Variants in ARIH1 observed in about 807,000 individuals in gnomAD.
ARIH1 encodes the protein E3 ubiquitin-protein ligase ARIH1.
Under a neutral mutation model 85.0 loss-of-function variants are expected in ARIH1, and 8 were observed. The observed-to-expected ratio is 0.09, with a 90% confidence interval of 0.06 to 0.17. ARIH1 has a LOEUF of 0.17. Ranked by LOEUF, ARIH1 falls within the 10% of genes least tolerant of loss-of-function variation. The pLI is 1.00. For synonymous variants in ARIH1, 238 were observed against 253.6 expected, an observed-to-expected ratio of 0.94 and a Z score of 0.59; for missense variants, 311 against 718.1, an observed-to-expected ratio of 0.43 and a Z score of 6.48.
At chr15:72,558,522 G>T (rs1343554716) in intron 5 of ARIH1, among the ~76,000 whole-genome samples, 1 of 152,144 alleles carries the variant, frequency 6.6e-6, no homozygotes, top group Non-Finnish European at 1.5e-5. Context: ...GGCTGTTCTC[G>T]AACTCCTGAC....
chr15:72,511,839 T>C (rs1347877717), intron 1 of ARIH1, among the ~76,000 whole-genome samples: 1 of 152,190 alleles, frequency 6.6e-6, no homozygotes, highest in African/African-American at 2.4e-5. Context: ...GTGCCTCTTC[T>C]AGGCACTTCT....
intron 1 of ARIH1, among the ~76,000 whole-genome samples, chr15:72,501,204 A>G (rs2063901967): frequency 6.6e-6 from 1 of 152,158 alleles, no homozygotes; most frequent in Non-Finnish European, 1.5e-5. Context: ...GATCATTTGG[A>G]TTTATGACTT....
chr15:72,563,723 T>C (rs2064206904), intron 7 of ARIH1, among the ~76,000 whole-genome samples: 1 of 152,204 alleles, frequency 6.6e-6, no homozygotes, highest in Non-Finnish European at 1.5e-5. Flanking sequence ...TGAATTTTTT[T>C]TTATGGAGAA....
chr15:72,575,055 G>A (rs1213309201), intron 11 of ARIH1, among the ~76,000 whole-genome samples: 1 of 151,574 alleles, frequency 6.6e-6, no homozygotes, highest in East Asian at 2.0e-4. Context: ...CCATGATGAC[G>A]CCACCCCTCT....
chr15:72,523,306 G>T lies in ARIH1; in HGVS notation c.443+5172G>T, dbSNP rs368370655. Among the ~76,000 whole-genome samples, 3 of 152,260 alleles carry T rather than the reference G, an allele frequency of 2.0e-5. No homozygotes were observed. The South Asian group carries it at 6.2e-4, about 32-fold the overall frequency. On this transcript the variant is annotated intron_variant, in intron 2 of 13. Transcript: ENST00000379887. ...ACATCCAGAAGTGGGATATTATTCCGTGCTAAAGAAATCAGCTATCAAACC... is the reference window on the plus strand; with the variant it reads ...ACATCCAGAAGTGGGATATTATTCCTTGCTAAAGAAATCAGCTATCAAACC...
intron 7 of ARIH1, among the ~76,000 whole-genome samples, chr15:72,563,730 A>G (rs1308410185): frequency 1.3e-5 from 2 of 152,108 alleles, no homozygotes; most frequent in African/African-American, 2.4e-5. Context: ...TTTTTTATGG[A>G]GAAAATATAC....
In ARIH1 at chr15:72,595,014, T is replaced by C. The variant is rs551017611; in HGVS notation, c.*11722T>C. 6.6e-6 allele frequency: 1 copy of C among 152,234 alleles called. No individual in the cohort carries two copies. The highest frequency in any genetic ancestry group is 2.1e-4 in the South Asian group (1 of 4,826). The allele number at this position is 152,234 out of a possible 1,614,324, so 9.4% of individuals were successfully genotyped here. ...AAAGAAGTTCCTTTCTATTCCTAAT[T>C]TGTTGATAATTTTTATTAGGAAGGG... On this transcript the variant is annotated 3_prime_UTR_variant, in exon 14 of 14. Coordinates refer to ENST00000379887, the MANE Select transcript of ARIH1 (RefSeq NM_005744.5).
chr15:72,489,620 C>T (rs1276552692), intron 1 of ARIH1, among the ~76,000 whole-genome samples: 5 of 152,210 alleles, frequency 3.3e-5, no homozygotes, highest in African/African-American at 1.2e-4. Context: ...GCCTAAAGCA[C>T]TTCTGCATAC....
intron 1 of ARIH1, among the ~76,000 whole-genome samples, chr15:72,475,800 G>A (rs2063792699): frequency 6.6e-6 from 1 of 152,164 alleles, no homozygotes; most frequent in Non-Finnish European, 1.5e-5. Context: ...AGAAAGCAGA[G>A]GTTTTCTGCT....
chr15:72,493,730 A>G (rs1175999835), intron 1 of ARIH1, among the ~76,000 whole-genome samples: 2 of 152,182 alleles, frequency 1.3e-5, no homozygotes, highest in Non-Finnish European at 2.9e-5. Flanking sequence ...ATCTTTGTGA[A>G]TCAGGTTTTT....
chr15:72,498,755 G>T (rs2063890344), intron 1 of ARIH1, among the ~76,000 whole-genome samples: 1 of 151,674 alleles, frequency 6.6e-6, no homozygotes, highest in Non-Finnish European at 1.5e-5. Flanking sequence ...CAGGAGAATG[G>T]CTTGAACCCA....
intron 3 of ARIH1, among the ~76,000 whole-genome samples, chr15:72,554,284 G>A (rs1173722288): frequency 6.6e-6 from 1 of 152,094 alleles, no homozygotes; most frequent in African/African-American, 2.4e-5. Context: ...ATATTTTGAG[G>A]AACTGCCTGA....
intron 1 of ARIH1, among the ~76,000 whole-genome samples, chr15:72,477,450 G>C (rs768187707): frequency 6.6e-6 from 1 of 152,196 alleles, no homozygotes. Flanking sequence ...CTAATTTTCA[G>C]TGTGAAATCA....
intron 1 of ARIH1, among the ~76,000 whole-genome samples, chr15:72,486,771 G>A (rs2063839269): frequency 7.6e-6 from 1 of 130,772 alleles, no homozygotes; most frequent in African/African-American, 2.9e-5. Flanking sequence ...TTGGCTCACT[G>A]CAACCTCTAC....
intron 1 of ARIH1, among the ~76,000 whole-genome samples, chr15:72,510,736 C>CAAAAAAAAAAAA (rs57834481): frequency 1.9e-4 from 5 of 26,724 alleles, no homozygotes; most frequent in African/African-American, 2.3e-4. Context: ...GACTCTGACT[C>CAAAAAAAAAAAA]AAAAAAAAAA....
chr15:72,545,320 T>C (rs1477837614), intron 3 of ARIH1, among the ~76,000 whole-genome samples: 1 of 152,232 alleles, frequency 6.6e-6, no homozygotes, highest in East Asian at 1.9e-4. Context: ...GTTTTTTAAA[T>C]ATCCAGAAAC....
At chr15:72,526,954 C>G (rs930228723) in intron 2 of ARIH1, among the ~76,000 whole-genome samples, 2 of 150,234 alleles carry the variant, frequency 1.3e-5, no homozygotes, top group African/African-American at 4.9e-5. Context: ...CTTTCCATGC[C>G]TCTCCAGATG....
At chr15:72,484,633 A>ATG (rs960647122) in intron 1 of ARIH1, among the ~76,000 whole-genome samples, 1 of 148,638 alleles carries the variant, frequency 6.7e-6, no homozygotes, top group African/African-American at 2.5e-5. Flanking sequence ...ATTCCATCAT[A>ATG]TATATATATA....
chr15:72,504,715 A>G (rs2063917560), intron 1 of ARIH1, among the ~76,000 whole-genome samples: 2 of 152,198 alleles, frequency 1.3e-5, no homozygotes, highest in East Asian at 1.9e-4. Context: ...GAATCGGCAG[A>G]CGGAAGTTCT....
Sources: gnomAD v4.1 joint callset for allele counts (sites outside exome capture counted in the v4.1 genomes callset) on GRCh38, gnomAD v4.1.1 for gene constraint, MANE v1.5 for transcripts, NCBI Gene and HGNC (gene_info 2026-07-23, HGNC 2026-07-21) for gene names.